Variants in LRMDA observed in about 807,000 individuals in gnomAD.
LRMDA encodes leucine rich melanocyte differentiation associated.
LRMDA carries 18 observed loss-of-function variants against 29.8 expected under a neutral mutation model. The ratio of observed to expected loss-of-function variants is 0.60; its 90% confidence interval spans 0.42 to 0.90. LRMDA has a LOEUF of 0.90. Among genes scored for constraint, LRMDA ranks in the 40% least tolerant of loss-of-function variants. LRMDA has a pLI of 0.00. For missense variants in LRMDA, 273 were observed against 273.9 expected, an observed-to-expected ratio of 1.00 and a Z score of 0.02; for synonymous variants, 125 against 109.4, an observed-to-expected ratio of 1.14 and a Z score of -0.89.
intron 4 of LRMDA, among the ~76,000 whole-genome samples, chr10:76,049,902 C>A (rs1898068): frequency 0.43 from 65,536 of 151,982 alleles, 14,622 homozygotes; most frequent in Non-Finnish European, 0.45. Flanking sequence ...AAAATGAATG[C>A]TATTTCTAGA....
chr10:75,880,052 TATA>T (rs1420403679), intron 2 of LRMDA, among the ~76,000 whole-genome samples: 1 of 152,232 alleles, frequency 6.6e-6, no homozygotes, highest in African/African-American at 2.4e-5. Context: ...AAGCTAATTT[TATA>T]ATGTTTTAAA....
chr10:75,539,382 C>A lies in LRMDA; in HGVS notation c.131+100888C>A, dbSNP rs538108175. On this transcript the variant is annotated intron_variant, in intron 2 of 6. Transcript: ENST00000611255. Reference sequence around the variant, plus strand: ...GTAAGTGTTACTTGAGATGACAGAACATTGCATTTTAAGATGAATTACATG... The same window carrying A: ...GTAAGTGTTACTTGAGATGACAGAAAATTGCATTTTAAGATGAATTACATG... Among the ~76,000 whole-genome samples the A allele has an allele frequency of 2.6e-5, 4 of 152,270 alleles. No homozygotes were observed. In the South Asian group the frequency reaches 8.3e-4, roughly 32 times the overall value.
intron 2 of LRMDA, among the ~76,000 whole-genome samples, chr10:75,724,525 T>C (rs557145304): frequency 6.6e-6 from 1 of 152,288 alleles, no homozygotes; most frequent in South Asian, 2.1e-4. Context: ...TAAGAAATAT[T>C]GATATTTTCT....
At chr10:76,007,327 A>G (rs1847689412) in intron 2 of LRMDA, among the ~76,000 whole-genome samples, 1 of 151,882 alleles carries the variant, frequency 6.6e-6, no homozygotes, top group Admixed American at 6.6e-5. Context: ...ATGGGAGGGA[A>G]GCAGACATCC....
At chr10:75,690,034 G>A (rs952333382) in intron 2 of LRMDA, among the ~76,000 whole-genome samples, 3 of 152,056 alleles carry the variant, frequency 2.0e-5, no homozygotes, top group Admixed American at 2.0e-4. Flanking sequence ...TTACATAACT[G>A]GATCAGTGGT....
At chr10:76,272,669 A>G (rs752892330) in intron 5 of LRMDA, among the ~76,000 whole-genome samples, 1 of 152,154 alleles carries the variant, frequency 6.6e-6, no homozygotes, top group African/African-American at 2.4e-5. Context: ...GGCCTGTATT[A>G]GTTTGTTCTC....
intron 2 of LRMDA, among the ~76,000 whole-genome samples, chr10:75,819,792 A>G (rs1909672): frequency 0.97 from 147,164 of 152,258 alleles, 71,147 homozygotes; most frequent in East Asian, 1. Context: ...AAAATGGTGG[A>G]TCTAGACCTG....
At chr10:75,918,331 A>G (rs988760906) in intron 2 of LRMDA, among the ~76,000 whole-genome samples, 22 of 152,182 alleles carry the variant, frequency 1.4e-4, no homozygotes, top group African/African-American at 5.1e-4. Context: ...TCACAGTTCT[A>G]CAGGCTGTAC....
chr10:75,945,643 G>A (rs953763129), intron 2 of LRMDA, among the ~76,000 whole-genome samples: 3 of 152,124 alleles, frequency 2.0e-5, no homozygotes, highest in African/African-American at 7.2e-5. Flanking sequence ...TTTAATATAA[G>A]CTACTCTATC....
At chr10:75,903,137 A>G (rs1461515121) in intron 2 of LRMDA, among the ~76,000 whole-genome samples, 1 of 152,252 alleles carries the variant, frequency 6.6e-6, no homozygotes, top group East Asian at 1.9e-4. Context: ...TTGCTCTCAT[A>G]TTAAAATCCC....
chr10:75,579,253 C>T (rs1229687696), intron 2 of LRMDA, among the ~76,000 whole-genome samples: 2 of 152,138 alleles, frequency 1.3e-5, no homozygotes, highest in African/African-American at 4.8e-5. Context: ...ACCACTGATC[C>T]CACAGAAATA....
rs549247007 is a variant in LRMDA, at chr10:76,012,190, G to A, written c.132-23818G>A. Among the ~76,000 whole-genome samples, 6 of 152,314 alleles carry A rather than the reference G, an allele frequency of 3.9e-5. No homozygotes were observed. The East Asian group carries it at 1.2e-3, about 29-fold the overall frequency. Reference sequence around the variant, plus strand: ...GGGCTTCTGTTTACCGGTTGTTCAAGCCCTTGGTCTGCACTGGGTTCCTCT... The same window carrying A: ...GGGCTTCTGTTTACCGGTTGTTCAAACCCTTGGTCTGCACTGGGTTCCTCT... On this transcript the variant is annotated intron_variant, in intron 2 of 6. Transcript: ENST00000611255.
intron 2 of LRMDA, among the ~76,000 whole-genome samples, chr10:75,536,097 C>G (rs1589173008): frequency 6.6e-6 from 1 of 152,238 alleles, no homozygotes; most frequent in Middle Eastern, 3.4e-3. Context: ...CTCTGTTCCT[C>G]TCCCACCCAG....
At chr10:75,975,628 C>A (rs892458086) in intron 2 of LRMDA, among the ~76,000 whole-genome samples, 3 of 152,136 alleles carry the variant, frequency 2.0e-5, no homozygotes, top group African/African-American at 4.8e-5. Context: ...TTTCTTTGGG[C>A]CTTGAACTCT....
intron 6 of LRMDA, among the ~76,000 whole-genome samples, chr10:76,495,386 C>G (rs1842872117): frequency 6.6e-6 from 1 of 151,776 alleles, no homozygotes; most frequent in African/African-American, 2.4e-5. Context: ...TATCTTGCCA[C>G]CAATACTATA....
chr10:76,232,538 T>G lies in LRMDA; in HGVS notation c.517-91863T>G, dbSNP rs117747041. On this transcript the variant is annotated intron_variant, in intron 5 of 6. Transcript: ENST00000611255. ...TATTGAAATCTCAATTCTAGACTGA[T>G]GCAGGATTTTCTTCTTGGTCACCGT... 9.7e-4 allele frequency among the ~76,000 whole-genome samples: 148 copies of G among 152,314 alleles called. 2 individuals carry two copies. In the East Asian group the frequency reaches 0.026, roughly 27 times the overall value.
intron 2 of LRMDA, among the ~76,000 whole-genome samples, chr10:75,631,233 C>G (rs900755925): frequency 1.3e-5 from 2 of 152,132 alleles, no homozygotes; most frequent in African/African-American, 2.4e-5. Flanking sequence ...TACTCCTCAC[C>G]CTAAGTCCTA....
At chr10:76,276,053 C>CTATCTATCTT (rs150054728) in intron 5 of LRMDA, among the ~76,000 whole-genome samples, 117 of 140,026 alleles carry the variant, frequency 8.4e-4, no homozygotes, top group African/African-American at 3.2e-3. Flanking sequence ...ATCTATCTAT[C>CTATCTATCTT]TCTTTCTTTC....
At chr10:76,363,284 G>GAAGGAAGA (rs1226427306) in intron 6 of LRMDA, among the ~76,000 whole-genome samples, 1 of 125,840 alleles carries the variant, frequency 7.9e-6, no homozygotes, top group Non-Finnish European at 1.7e-5. Flanking sequence ...GGAAAGGAAG[G>GAAGGAAGA]AAGGAAGGAA....
Sources: gnomAD v4.1 joint callset for allele counts (sites outside exome capture counted in the v4.1 genomes callset) on GRCh38, gnomAD v4.1.1 for gene constraint, MANE v1.5 for transcripts, NCBI Gene and HGNC (gene_info 2026-07-23, HGNC 2026-07-21) for gene names.